NEGR1: variants seen among roughly 807,000 people sequenced by gnomAD.
NEGR1 encodes the protein neuronal growth regulator 1.
Under a neutral mutation model 40.9 loss-of-function variants are expected in NEGR1, and 10 were observed. The observed-to-expected ratio is 0.24, with a 90% CI of 0.15 to 0.42. The LOEUF (loss-of-function observed/expected upper bound fraction) is 0.42, where lower values mean the gene tolerates loss of function less well. Among genes scored for constraint, NEGR1 ranks in the 10% least tolerant of loss-of-function variants. NEGR1 has a pLI of 1.00. For missense variants in NEGR1, 352 were observed against 438.9 expected (o/e 0.80, Z 1.77); for synonymous variants, 185 against 166.8 (o/e 1.11, Z -0.84).
intron 2 of NEGR1, among the ~76,000 whole-genome samples, chr1:71,857,764 A>T (rs1473879667): frequency 1.3e-5 from 2 of 151,434 alleles, no homozygotes; most frequent in African/African-American, 4.8e-5. Flanking sequence ...TTTGACTGTG[A>T]TATATTAATT....
intron 1 of NEGR1, among the ~76,000 whole-genome samples, chr1:72,230,050 A>G (rs907503461): frequency 6.6e-6 from 1 of 152,110 alleles, no homozygotes; most frequent in Non-Finnish European, 1.5e-5. Flanking sequence ...AGGCAACCAC[A>G]TTGGGTAGGA....
chr1:71,511,878 G>C (rs545573087), intron 6 of NEGR1, among the ~76,000 whole-genome samples: 6 of 152,134 alleles, frequency 3.9e-5, no homozygotes, highest in African/African-American at 2.4e-5. Context: ...ACTTAAATTG[G>C]CCAAATTCTA....
intron 1 of NEGR1, among the ~76,000 whole-genome samples, chr1:72,239,123 G>GA (rs2100511140): frequency 6.6e-6 from 1 of 151,434 alleles, no homozygotes; most frequent in African/African-American, 2.4e-5. Flanking sequence ...TTTCAAATAA[G>GA]AAAAAAATAA....
chr1:71,452,444 G>T (rs1177861566), intron 6 of NEGR1, among the ~76,000 whole-genome samples: 2 of 152,090 alleles, frequency 1.3e-5, no homozygotes, highest in Non-Finnish European at 2.9e-5. Context: ...TACAGCAGGG[G>T]CTTCAACGGG....
intron 6 of NEGR1, among the ~76,000 whole-genome samples, chr1:71,469,572 A>G (rs1646768960): frequency 6.6e-6 from 1 of 152,026 alleles, no homozygotes; most frequent in Non-Finnish European, 1.5e-5. Flanking sequence ...AAGCCCTTTC[A>G]TCAGAAGCAC....
intron 2 of NEGR1, among the ~76,000 whole-genome samples, chr1:71,778,133 G>A (rs907353234): frequency 2.0e-5 from 3 of 151,632 alleles, no homozygotes; most frequent in African/African-American, 7.3e-5. Flanking sequence ...GTAGGTATAG[G>A]TTTAATTCAA....
At chr1:71,921,186 A>G (rs1177363999) in intron 2 of NEGR1, among the ~76,000 whole-genome samples, 4 of 152,146 alleles carry the variant, frequency 2.6e-5, no homozygotes, top group Non-Finnish European at 4.4e-5. Context: ...AATGAGACAT[A>G]TTTTTCCTAG....
intron 1 of NEGR1, among the ~76,000 whole-genome samples, chr1:72,101,918 T>G (rs1054029614): frequency 1.6e-4 from 24 of 152,142 alleles, no homozygotes; most frequent in Admixed American, 4.6e-4. Flanking sequence ...TATAACAACA[T>G]TATATTGCTG....
At chr1:71,831,320 G>A (rs1445349403) in intron 2 of NEGR1, among the ~76,000 whole-genome samples, 1 of 151,820 alleles carries the variant, frequency 6.6e-6, no homozygotes, top group Non-Finnish European at 1.5e-5. Context: ...AGTTTTTAGA[G>A]AGAAAAAAAT....
intron 1 of NEGR1, among the ~76,000 whole-genome samples, chr1:72,203,659 T>C (rs929239969): frequency 6.6e-5 from 10 of 152,080 alleles, no homozygotes; most frequent in Middle Eastern, 3.2e-3. Flanking sequence ...CTAGTGTGGG[T>C]AAAATGCTAT....
chr1:71,888,488 C>T (rs546625397), intron 2 of NEGR1, among the ~76,000 whole-genome samples: 147 of 151,910 alleles, frequency 9.7e-4, no homozygotes, highest in African/African-American at 3.4e-3. Context: ...CACTCCCACC[C>T]GAATATTGCG....
chr1:71,432,363 A>G (rs1456907470), intron 6 of NEGR1, among the ~76,000 whole-genome samples: 2 of 152,220 alleles, frequency 1.3e-5, no homozygotes, highest in African/African-American at 2.4e-5. Context: ...ATACTTATAC[A>G]TAGTTTTTGC....
chr1:72,176,888 C>G (rs1055262981), intron 1 of NEGR1, among the ~76,000 whole-genome samples: 11 of 151,898 alleles, frequency 7.2e-5, no homozygotes, highest in Non-Finnish European at 1.6e-4. Context: ...AAAATAGGAG[C>G]TGGATTTCAG....
intron 2 of NEGR1, among the ~76,000 whole-genome samples, chr1:71,827,324 G>T (rs1658665106): frequency 6.6e-6 from 1 of 151,776 alleles, no homozygotes; most frequent in Non-Finnish European, 1.5e-5. Flanking sequence ...TTGATAGATT[G>T]CTGATAATTC....
intron 1 of NEGR1, among the ~76,000 whole-genome samples, chr1:72,126,835 T>C (rs1200843207): frequency 6.6e-6 from 1 of 152,228 alleles, no homozygotes; most frequent in Non-Finnish European, 1.5e-5. Context: ...GCCCAGAGGA[T>C]GCTGTTGTAG....
At position 71,592,898 on chromosome 1, in the gene NEGR1, C is replaced by A. The variant is rs764694065; in HGVS notation, c.859G>T (p.Val287Leu). 1 of 1,612,228 alleles carries A rather than the reference C, an allele frequency of 6.2e-7. No homozygotes were observed. The highest frequency in any genetic ancestry group is 1.1e-5 in the South Asian group (1 of 91,020). ...TAATTGCCGAAGTGCTCCTGTGTCA[C>A]GTTGGTAACAGTGAGAATGGATCTT... ...STRSILTVTN[V>L]TQEHFGNYTC... Residue 287 changes from valine to leucine, a missense_variant, in exon 6 of 7, where the codon GTG (valine) becomes TTG (leucine). Physicochemically the swap from Val to Leu is conservative, Grantham distance 32. This residue lies in a region of NEGR1 where 184 missense variants were observed against 208.7 expected (regional missense o/e 0.88). Transcript: ENST00000357731.
At chr1:72,154,118 C>T (rs1651267368) in intron 1 of NEGR1, among the ~76,000 whole-genome samples, 1 of 151,428 alleles carries the variant, frequency 6.6e-6, no homozygotes, top group South Asian at 2.1e-4. Context: ...GCCTGAGAGA[C>T]AATTGTTTTG....
chr1:72,041,431 C>CTT (rs35706358), intron 1 of NEGR1, among the ~76,000 whole-genome samples: 8 of 123,434 alleles, frequency 6.5e-5, no homozygotes, highest in African/African-American at 2.4e-4. Context: ...CTTCTGTAGG[C>CTT]TTTTTTTTTT....
At chr1:72,069,449 A>G (rs1344664547) in intron 1 of NEGR1, among the ~76,000 whole-genome samples, 1 of 152,042 alleles carries the variant, frequency 6.6e-6, no homozygotes, top group African/African-American at 2.4e-5. Context: ...GTTAAAAAAA[A>G]AAGTATGTAA....
Sources: allele counts gnomAD v4.1 joint callset (sites outside exome capture counted in the v4.1 genomes callset), GRCh38; gene constraint gnomAD v4.1.1; regional missense constraint gnomAD v4.1.1; transcripts MANE v1.5; gene names NCBI Gene and HGNC (gene_info 2026-07-23, HGNC 2026-07-21).